GARIN2: variants seen among roughly 807,000 people sequenced by gnomAD.
The protein encoded by GARIN2 is golgi associated RAB2 interactor family member 2.
the GARIN2 span, among the ~76,000 whole-genome samples, chr14:67,193,066 A>C: frequency 0.18 from 25,048 of 142,112 alleles, 3,804 homozygotes; most frequent in East Asian, 0.41. Context: ...CTCTATATCT[A>C]TATATATCCA....
chr14:67,225,962 TGCGCGC>T, the GARIN2 span, among the ~76,000 whole-genome samples: 7 of 113,488 alleles, frequency 6.2e-5, no homozygotes, highest in Admixed American at 4.9e-4. Context: ...TGTGTGTGTG[TGCGCGC>T]GCGCGCGTGC....
the GARIN2 span, chr14:67,203,432 G>A: frequency 2.9e-6 from 2 of 678,182 alleles, no homozygotes; most frequent in Non-Finnish European, 4.7e-6. Flanking sequence ...ACAAAGAGGA[G>A]CATCCTTGAA....
the GARIN2 span, among the ~76,000 whole-genome samples, chr14:67,209,555 C>T: frequency 0.16 from 23,741 of 151,886 alleles, 3,487 homozygotes; most frequent in East Asian, 0.42. Context: ...TGTGGTGGCT[C>T]ATGCCTGTAG....
the GARIN2 span, among the ~76,000 whole-genome samples, chr14:67,218,837 A>G: frequency 6.6e-6 from 1 of 151,900 alleles, no homozygotes; most frequent in Non-Finnish European, 1.5e-5. Context: ...TGGGTTTTCC[A>G]TGGATAAGAC....
At chr14:67,194,755 T>A in the GARIN2 span, among the ~76,000 whole-genome samples, 1 of 152,138 alleles carries the variant, frequency 6.6e-6, no homozygotes, top group African/African-American at 2.4e-5. Context: ...CCTCCCATGT[T>A]CAAGTGATTC....
the GARIN2 span, among the ~76,000 whole-genome samples, chr14:67,194,054 G>T: frequency 6.6e-6 from 1 of 151,174 alleles, no homozygotes; most frequent in Non-Finnish European, 1.5e-5. Flanking sequence ...CTTGAATACT[G>T]TCTCCAGATA....
chr14:67,202,937 G>A, the GARIN2 span: 6 of 332,174 alleles, frequency 1.8e-5, no homozygotes, highest in African/African-American at 8.9e-5. Context: ...TGTTCCCTGC[G>A]GTATCTCCAA....
the GARIN2 span, chr14:67,208,377 A>T: frequency 4.3e-6 from 7 of 1,613,900 alleles, no homozygotes; most frequent in Non-Finnish European, 5.9e-6. Context: ...ACATCCAAGG[A>T]GATGAAGGAT....
the GARIN2 span, chr14:67,200,403 C>T: frequency 1.7e-6 from 1 of 573,410 alleles, no homozygotes; most frequent in East Asian, 3.5e-5. Flanking sequence ...GATGCTGTAG[C>T]TCCTTGGGGC....
chr14:67,213,749 C>T, the GARIN2 span, among the ~76,000 whole-genome samples: 18 of 152,290 alleles, frequency 1.2e-4, no homozygotes, highest in Admixed American at 5.2e-4. Context: ...CACTGACTTC[C>T]ACAAGGGTTG....
At chr14:67,206,315 T>G in the GARIN2 span, among the ~76,000 whole-genome samples, 1 of 151,988 alleles carries the variant, frequency 6.6e-6, no homozygotes, top group Non-Finnish European at 1.5e-5. Context: ...CTGGCCAACA[T>G]GGCAAAACCC....
chr14:67,204,136 C>T, the GARIN2 span, among the ~76,000 whole-genome samples: 1 of 152,066 alleles, frequency 6.6e-6, no homozygotes, highest in Non-Finnish European at 1.5e-5. Context: ...CTTCAAACTA[C>T]TATAAAATAT....
the GARIN2 span, among the ~76,000 whole-genome samples, chr14:67,225,962 T>TGTGTGTGTGTGC: frequency 6.4e-3 from 731 of 113,438 alleles, 5 homozygotes; most frequent in Middle Eastern, 0.013. Context: ...TGTGTGTGTG[T>TGTGTGTGTGTGC]GCGCGCGCGC....
At chr14:67,193,630 T>C in the GARIN2 span, among the ~76,000 whole-genome samples, 85 of 147,010 alleles carry the variant, frequency 5.8e-4, no homozygotes, top group East Asian at 0.014. Context: ...TATATCTATC[T>C]ATATAGATAT....
chr14:67,222,425 G>A, the GARIN2 span, among the ~76,000 whole-genome samples: 1 of 152,100 alleles, frequency 6.6e-6, no homozygotes, highest in Non-Finnish European at 1.5e-5. Context: ...CTGAGTAGCT[G>A]GGATTACAGG....
At chr14:67,206,098 T>A in the GARIN2 span, among the ~76,000 whole-genome samples, 1 of 152,082 alleles carries the variant, frequency 6.6e-6, no homozygotes, top group African/African-American at 2.4e-5. Flanking sequence ...GTGGGAGGAT[T>A]ACTTGACCCT....
chr14:67,205,768 C>T, the GARIN2 span, among the ~76,000 whole-genome samples: 3 of 152,100 alleles, frequency 2.0e-5, no homozygotes, highest in South Asian at 2.1e-4. Context: ...CGTTAGTGAC[C>T]GAAGTCTCCT....
At chr14:67,197,591 T>TA in the GARIN2 span, among the ~76,000 whole-genome samples, 1,810 of 152,246 alleles carry the variant, frequency 0.012, 39 homozygotes, top group African/African-American at 0.041. Context: ...TCCACCGACT[T>TA]AGAGTCTCAT....
At chr14:67,225,187 C>T in the GARIN2 span, 1 of 1,569,388 alleles carries the variant, frequency 6.4e-7, no homozygotes, top group Non-Finnish European at 8.6e-7. Flanking sequence ...GCCCCTTTCT[C>T]AAGGGAATGA....
Sources: allele counts gnomAD v4.1 joint callset (sites outside exome capture counted in the v4.1 genomes callset), GRCh38; gene constraint gnomAD v4.1.1; transcripts MANE v1.5; gene names NCBI Gene and HGNC (gene_info 2026-07-23, HGNC 2026-07-21).